Variants in PSMD1 observed in about 807,000 individuals in gnomAD.
The protein encoded by PSMD1 is 26S proteasome non-ATPase regulatory subunit 1.
PSMD1 carries 18 observed loss-of-function variants against 119.0 expected under a neutral mutation model. That is an observed-to-expected ratio of 0.15 (90% CI 0.10 to 0.22). The LOEUF is 0.22. Ranked by LOEUF, PSMD1 falls within the 10% of genes least tolerant of loss-of-function variation. The probability of loss-of-function intolerance (pLI) is 1.00; values close to 1 mark genes in which losing one functional copy is unlikely to be tolerated. For synonymous variants in PSMD1, 374 were observed against 396.6 expected, an observed-to-expected ratio of 0.94 and a Z score of 0.68; for missense variants, 702 against 1,158.5, an observed-to-expected ratio of 0.61 and a Z score of 5.72.
rs564179409 is a variant in PSMD1, at chr2:231,107,683, G to A, written c.1883+20502G>A. 4.3e-4 allele frequency among the ~76,000 whole-genome samples: 66 copies of A among 152,290 alleles called. 1 individual carries two copies. Among genetic ancestry groups the A allele is most frequent in the African/African-American group, 1.5e-3 (64 of 41,560 alleles). On this transcript the variant is annotated intron_variant, in intron 16 of 24. Coordinates refer to ENST00000308696, the MANE Select transcript of PSMD1 (RefSeq NM_002807.4). ...ACTGAAAGGATGAATAAAAAATTTTGTGCTGGAAGTTCACTTGAGTCACTG... is the reference window on the plus strand; with the variant it reads ...ACTGAAAGGATGAATAAAAAATTTTATGCTGGAAGTTCACTTGAGTCACTG...
At chr2:231,128,820 C>T (rs1031322134) in intron 16 of PSMD1, among the ~76,000 whole-genome samples, 6 of 152,218 alleles carry the variant, frequency 3.9e-5, no homozygotes, top group African/African-American at 1.4e-4. Context: ...TACCACAATA[C>T]AGCACCTTCT....
intron 16 of PSMD1, among the ~76,000 whole-genome samples, chr2:231,107,095 G>A (rs1694995113): frequency 6.6e-6 from 1 of 152,072 alleles, no homozygotes; most frequent in African/African-American, 2.4e-5. Context: ...ACTAGTAGTA[G>A]GGAAACATAC....
intron 1 of PSMD1, chr2:231,060,339 A>T (rs1286707045): frequency 6.6e-6 from 1 of 152,206 alleles, no homozygotes; most frequent in Non-Finnish European, 1.5e-5. Context: ...TGGCAAACCT[A>T]TACTTGTCAA....
At chr2:231,085,866 G>T (rs1694418827) in intron 15 of PSMD1, among the ~76,000 whole-genome samples, 1 of 151,954 alleles carries the variant, frequency 6.6e-6, no homozygotes, top group South Asian at 2.1e-4. Flanking sequence ...GGTAAACCAA[G>T]GGTACCTTTC....
At chr2:231,093,756 C>CGA (rs1694656587) in intron 16 of PSMD1, among the ~76,000 whole-genome samples, 1 of 152,110 alleles carries the variant, frequency 6.6e-6, no homozygotes, top group Non-Finnish European at 1.5e-5. Flanking sequence ...GGTTCTTACC[C>CGA]ATATTCCCCC....
intron 1 of PSMD1, among the ~76,000 whole-genome samples, chr2:231,057,663 T>C (rs1347886435): frequency 2.0e-5 from 3 of 152,354 alleles, no homozygotes; most frequent in Admixed American, 2.0e-4. Context: ...ACTTATACCC[T>C]TTCGAGGTTA....
At chr2:231,120,753 C>T (rs947925929) in intron 16 of PSMD1, among the ~76,000 whole-genome samples, 3 of 152,080 alleles carry the variant, frequency 2.0e-5, no homozygotes, top group African/African-American at 4.8e-5. Context: ...AATTCCCCTG[C>T]GATAGCTAAA....
intron 16 of PSMD1, among the ~76,000 whole-genome samples, chr2:231,137,653 A>G (rs1696006940): frequency 6.6e-6 from 1 of 152,066 alleles, no homozygotes; most frequent in Non-Finnish European, 1.5e-5. Flanking sequence ...TCACCCAAGT[A>G]TTATGCATAG....
intron 16 of PSMD1, among the ~76,000 whole-genome samples, chr2:231,091,602 C>G (rs1694595567): frequency 6.6e-6 from 1 of 152,302 alleles, no homozygotes; most frequent in Non-Finnish European, 1.5e-5. Context: ...TAGCATAAGA[C>G]AAACATGAGT....
chr2:231,074,106 T>G (rs887607751), intron 7 of PSMD1, among the ~76,000 whole-genome samples: 28 of 152,112 alleles, frequency 1.8e-4, no homozygotes, highest in Admixed American at 2.6e-4. Flanking sequence ...GGGGATAGAA[T>G]TTTTTATTTA....
In PSMD1 at chr2:231,056,886, C is replaced by T; in HGVS notation, c.-140C>T. The T allele has an allele frequency of 8.4e-7, 1 of 1,197,288 alleles. No individual in the cohort carries two copies. The highest frequency in any genetic ancestry group is 1.2e-6 in the Non-Finnish European group (1 of 850,216). The allele number at this position is 1,197,288 out of a possible 1,614,324, so 74.2% of individuals were successfully genotyped here. ...GGCGGGGTCCTGGCGAGAAGCGAGCCGGCGGCCTGAGGAGGCGACTGACTG... is the reference window on the plus strand; with the variant it reads ...GGCGGGGTCCTGGCGAGAAGCGAGCTGGCGGCCTGAGGAGGCGACTGACTG... On this transcript the variant is annotated 5_prime_UTR_variant, in exon 1 of 25. Coordinates refer to ENST00000308696, the MANE Select transcript of PSMD1 (RefSeq NM_002807.4).
At chr2:231,158,322 A>C (rs767633006) in intron 19 of PSMD1, among the ~76,000 whole-genome samples, 32 of 152,250 alleles carry the variant, frequency 2.1e-4, no homozygotes, top group Non-Finnish European at 3.8e-4. Context: ...AAAAAGAAAA[A>C]AGAAAATTAG....
intron 1 of PSMD1, among the ~76,000 whole-genome samples, chr2:231,059,968 A>G (rs1574699518): frequency 1.3e-5 from 2 of 152,390 alleles, no homozygotes; most frequent in Admixed American, 1.3e-4. Flanking sequence ...AAGTGAAACC[A>G]AACCAGAGAA....
intron 23 of PSMD1, among the ~76,000 whole-genome samples, chr2:231,169,628 C>T (rs1025107): frequency 0.49 from 74,764 of 151,996 alleles, 21,886 homozygotes; most frequent in African/African-American, 0.81. Context: ...CTTATACATA[C>T]GTGAATCATT....
chr2:231,147,539 C>T (rs1696280741), intron 18 of PSMD1, among the ~76,000 whole-genome samples: 1 of 152,196 alleles, frequency 6.6e-6, no homozygotes, highest in Admixed American at 6.5e-5. Flanking sequence ...TCTCAGTCCT[C>T]AGGTTGTTAG....
intron 1 of PSMD1, among the ~76,000 whole-genome samples, chr2:231,059,804 CT>C (rs1693710442): frequency 6.6e-6 from 1 of 152,196 alleles, no homozygotes; most frequent in Non-Finnish European, 1.5e-5. Flanking sequence ...ATCCTTAGGC[CT>C]TTCCCATTCT....
chr2:231,101,288 T>C (rs1025224004), intron 16 of PSMD1, among the ~76,000 whole-genome samples: 10 of 152,172 alleles, frequency 6.6e-5, no homozygotes, highest in Admixed American at 5.9e-4. Context: ...TAACCCTTGC[T>C]CTTAAGAGAA....
chr2:231,156,624 A>G (rs1403367112), intron 19 of PSMD1, among the ~76,000 whole-genome samples: 1 of 152,038 alleles, frequency 6.6e-6, no homozygotes, highest in African/African-American at 2.4e-5. Flanking sequence ...TACTTTTTCA[A>G]TGTCTGTGGA....
At chr2:231,095,073 A>G (rs900090426) in intron 16 of PSMD1, among the ~76,000 whole-genome samples, 8 of 152,188 alleles carry the variant, frequency 5.3e-5, no homozygotes. Context: ...TAGTAGGAAA[A>G]ACAAACAATT....
Sources: gnomAD v4.1 joint callset for allele counts (sites outside exome capture counted in the v4.1 genomes callset) on GRCh38, gnomAD v4.1.1 for gene constraint, MANE v1.5 for transcripts, NCBI Gene and HGNC (gene_info 2026-07-23, HGNC 2026-07-21) for gene names.